The following NPAS1 variants were observed in gnomAD, a reference collection of about 807,000 sequenced individuals.
NPAS1 encodes the protein neuronal PAS domain-containing protein 1.
In NPAS1, 29 loss-of-function variants were observed where a neutral mutation model predicts 49.2. The ratio of observed to expected loss-of-function variants is 0.59; its 90% CI spans 0.44 to 0.80. The LOEUF is 0.80. Among genes scored for constraint, NPAS1 ranks in the 30% least tolerant of loss-of-function variants. NPAS1 has a pLI of 0.00. For missense variants in NPAS1, 825 were observed against 835.5 expected, an observed-to-expected ratio of 0.99 and a Z score of 0.15; for synonymous variants, 408 against 380.4, an observed-to-expected ratio of 1.07 and a Z score of -0.84.
At chr19:47,045,062 AAAC>A in intron 11 of NPAS1, 126 bp from the exon 12 acceptor site, 1 of 900,094 alleles carries the variant, frequency 1.1e-6, no homozygotes, top group Non-Finnish European at 1.7e-6. Context: ...CAAAACAAAC[AAAC>A]AAAAAAAAAA....
At chr19:47,042,640 G>A (rs942907274) in intron 10 of NPAS1, among the ~76,000 whole-genome samples, 170 bp from the exon 11 acceptor site, 3 of 152,346 alleles carry the variant, frequency 2.0e-5, no homozygotes, top group African/African-American at 7.2e-5. Flanking sequence ...TGGGCTAGAA[G>A]TCAACCCGGA....
Position 47,039,543 on chromosome 19 carries a change from C to T in NPAS1, c.941C>T (p.Thr314Ile), listed in dbSNP as rs1312099174. The change falls in exon 8 of 12, where the codon ACC becomes ATC. Residue 314 changes from threonine to isoleucine, a missense_variant. Thr to Ile is a moderately conservative substitution (Grantham distance 89). Transcript: ENST00000602212. ...MIVFRLSLGLTILACESRVSD... is the reference protein window; with the variant it reads ...MIVFRLSLGLIILACESRVSD... ...GTCTTCCGTCTCAGCCTGGGTCTCACCATCCTTGCTTGTGAGAGCAGGTAC... is the reference window on the plus strand; with the variant it reads ...GTCTTCCGTCTCAGCCTGGGTCTCATCATCCTTGCTTGTGAGAGCAGGTAC... 1 of 1,587,712 alleles carries T rather than the reference C, an allele frequency of 6.3e-7. No individual in the cohort carries two copies. Among genetic ancestry groups the T allele is most frequent in the Admixed American group, 1.7e-5 (1 of 57,154 alleles).
At chr19:47,041,402 T>C (rs894900287) in intron 10 of NPAS1, among the ~76,000 whole-genome samples, 58 of 152,114 alleles carry the variant, frequency 3.8e-4, no homozygotes, top group African/African-American at 1.3e-3. Flanking sequence ...GTGGAGGGTC[T>C]GGACTCTTGA....
At chr19:47,027,824 G>T (rs2122463467) in intron 3 of NPAS1, among the ~76,000 whole-genome samples, 1 of 152,304 alleles carries the variant, frequency 6.6e-6, no homozygotes, top group South Asian at 2.1e-4. Flanking sequence ...AAATGGATGA[G>T]TGATGTTTGG....
At chr19:47,030,581 C>T (rs193083024) in intron 3 of NPAS1, among the ~76,000 whole-genome samples, 3 of 150,838 alleles carry the variant, frequency 2.0e-5, no homozygotes, top group Non-Finnish European at 4.4e-5. Flanking sequence ...CCTCCCACCT[C>T]AGCCTCCCAA....
Position 47,039,416 on chromosome 19 carries a change from G to C in NPAS1, c.814G>C (p.Val272Leu). 2 of 1,611,792 alleles carry C rather than the reference G, an allele frequency of 1.2e-6. No individual in the cohort carries two copies. Among genetic ancestry groups the C allele is most frequent in the Non-Finnish European group, 1.7e-6 (2 of 1,179,872 alleles). Residue 272 changes from valine to leucine, a missense_variant, in exon 8 of 12, where the codon GTG (valine) becomes CTG (leucine). By Grantham distance (32) the Val-to-Leu change is conservative. Transcript: ENST00000602212. ...VKASGYKVIHVTGRLRAHALG... is the reference protein window; with the variant it reads ...VKASGYKVIHLTGRLRAHALG... ...TGCCCACCACCAGCAGGTCATCCAC[G>C]TGACTGGGCGCCTTCGGGCCCACGC... is the stretch of plus-strand genomic sequence containing the variant.
chr19:47,042,962 G>T, intron 11 of NPAS1, 58 bp downstream of exon 11: 1 of 1,351,706 alleles, frequency 7.4e-7, no homozygotes, highest in Non-Finnish European at 9.9e-7. Flanking sequence ...TTGGGTCCTG[G>T]CTGTCCATTC....
chr19:47,031,600 G>A lies in NPAS1; in HGVS notation c.359-678G>A, dbSNP rs888633868. 4.7e-5 allele frequency among the ~76,000 whole-genome samples: 7 copies of A among 148,240 alleles called. No homozygotes were observed. The South Asian group carries it at 1.1e-3, about 22-fold the overall frequency. On this transcript the variant is annotated intron_variant, in intron 3 of 11. Coordinates refer to ENST00000602212, the MANE Select transcript of NPAS1 (RefSeq NM_002517.4). Reference sequence around the variant, plus strand: ...GGCTGGAGTGCAGTGGCATGATCTCGGCTCACTGCAACCTCTGCCTCCCGG... The same window carrying A: ...GGCTGGAGTGCAGTGGCATGATCTCAGCTCACTGCAACCTCTGCCTCCCGG...
In NPAS1 at chr19:47,039,047, A is replaced by G. The variant is rs1331918344; in HGVS notation, c.700A>G (p.Thr234Ala). The G allele has an allele frequency of 1.9e-6, 3 of 1,613,968 alleles. No homozygotes were observed. Among genetic ancestry groups the G allele is most frequent in the Middle Eastern group, 1.6e-4 (1 of 6,084 alleles). ...ACTCTCTGTCCCAGAGGCCAGCCTCACCAAGGTGCCCCCCTCCTCCCTGGT... is the reference window on the plus strand; with the variant it reads ...ACTCTCTGTCCCAGAGGCCAGCCTCGCCAAGGTGCCCCCCTCCTCCCTGGT... ...ADTPEIEASL[T>A]KVPPSSLVQE... The change falls in exon 7 of 12, where the codon ACC (threonine) becomes GCC (alanine). Residue 234 changes from threonine to alanine, a missense_variant. Coordinates refer to ENST00000602212, the MANE Select transcript of NPAS1 (RefSeq NM_002517.4).
Position 47,019,856 on chromosome 19 carries a change from G to GCTGGGCGCCGAGAC in NPAS1, c.-175_-174insGAGACCTGGGCGCC. The GCTGGGCGCCGAGAC allele has an allele frequency of 3.1e-6, 1 of 318,864 alleles. No homozygotes were observed. Among genetic ancestry groups the GCTGGGCGCCGAGAC allele is most frequent in the Non-Finnish European group, 5.7e-6 (1 of 175,132 alleles). 19.8% of individuals were successfully genotyped at this position (318,864 alleles called of 1,614,324 possible). ...TGCGAGGCCGAGGTGGGCGCCGAGA[G>GCTGGGCGCCGAGAC]CTGGGCGCCACAGCCCGCGCGTCCC... On this transcript the variant is annotated 5_prime_UTR_variant, in exon 1 of 12. Transcript: ENST00000602212.
rs894484645 is a variant in NPAS1, at chr19:47,034,733, G to A, written c.523-1231G>A. Among the ~76,000 whole-genome samples, 4 of 150,980 alleles carry A rather than the reference G, an allele frequency of 2.6e-5. No homozygotes were observed. In the South Asian group the frequency reaches 6.3e-4, roughly 24 times the overall value. On this transcript the variant is annotated intron_variant, in intron 5 of 11. Coordinates refer to ENST00000602212, the MANE Select transcript of NPAS1 (RefSeq NM_002517.4). ...CTCTACTAAAAATACAAAATTAGCC[G>A]GGTGTGCTGGCAGATGCCTATAGTC...
chr19:47,035,855 T>C, intron 5 of NPAS1, 109 bp from the exon 6 acceptor site: 2 of 1,144,290 alleles, frequency 1.7e-6, no homozygotes, highest in Non-Finnish European at 2.4e-6. Flanking sequence ...CACACTGGCA[T>C]GAAGCGCACC....
At chr19:47,037,052 GAAA>G (rs150861252) in intron 6 of NPAS1, among the ~76,000 whole-genome samples, 17 of 120,620 alleles carry the variant, frequency 1.4e-4, no homozygotes, top group Admixed American at 9.5e-4. Context: ...CCAGTGTCTG[GAAA>G]AAAAAAAAAA....
In NPAS1 at chr19:47,021,131, T is replaced by A; in HGVS notation, c.84T>A (p.Phe28Leu). Residue 28 changes from phenylalanine to leucine, a missense_variant, in exon 2 of 12, where the codon TTT becomes TTA. Coordinates refer to ENST00000602212, the MANE Select transcript of NPAS1 (RefSeq NM_002517.4). This position sits in a 1 kb window ranked among gnomAD's most constrained non-coding sequence, Gnocchi z 5.7. ...GCGGCGCCAGCGTCCCCTGGGACTT[T>A]CTACCCGGGCTGATGGTCAAGGCGC... ...GGRGASVPWD[F>L]LPGLMVKAPS... is the part of the protein sequence containing the mutation. 6.2e-7 allele frequency: 1 copy of A among 1,600,086 alleles called. No individual in the cohort carries two copies. Among genetic ancestry groups the A allele is most frequent in the Admixed American group, 1.7e-5 (1 of 59,104 alleles).
At position 47,023,450 on chromosome 19, in the gene NPAS1, G is replaced by A. The variant is rs192582566; in HGVS notation, c.358+1603G>A. ...AGTGGAAGTAGGGTCAGGACAGTGT[G>A]GGGGGGCTTGGTACTGCGTGGACTC... On this transcript the variant is annotated intron_variant, in intron 3 of 11. Coordinates refer to ENST00000602212, the MANE Select transcript of NPAS1 (RefSeq NM_002517.4). Among the ~76,000 whole-genome samples, 254 of 152,132 alleles carry A rather than the reference G, an allele frequency of 1.7e-3. 1 individual carries two copies. Among genetic ancestry groups the A allele is most frequent in the African/African-American group, 5.8e-3 (242 of 41,528 alleles).
intron 10 of NPAS1, among the ~76,000 whole-genome samples, chr19:47,042,081 G>A (rs542709392): frequency 7.9e-5 from 12 of 152,030 alleles, no homozygotes; most frequent in African/African-American, 1.5e-4. Flanking sequence ...GCCGAGGTGG[G>A]TGGATCACGA....
In NPAS1 at chr19:47,029,065, G is replaced by A. The variant is rs1430124090; in HGVS notation, c.359-3213G>A. The stretch of plus-strand genomic sequence containing the variant: ...CTATTTTTTTTTTTAGTTTTTGTTT[G>A]TTTGTTTGTTTTTGTTTTTATTTTT... On this transcript the variant is annotated intron_variant, in intron 3 of 11. Coordinates refer to ENST00000602212, the MANE Select transcript of NPAS1 (RefSeq NM_002517.4). Among the ~76,000 whole-genome samples the A allele has an allele frequency of 4.0e-5, 6 of 151,384 alleles. No individual in the cohort carries two copies. In the East Asian group the frequency reaches 9.7e-4, roughly 25 times the overall value.
chr19:47,023,627 C>T (rs1327167949), intron 3 of NPAS1, among the ~76,000 whole-genome samples: 1 of 152,156 alleles, frequency 6.6e-6, no homozygotes, highest in Non-Finnish European at 1.5e-5. Flanking sequence ...CTGTCAGTCA[C>T]ACTCTCTGAA....
chr19:47,022,179 C>G (rs1036132351), intron 3 of NPAS1, among the ~76,000 whole-genome samples: 47 of 152,184 alleles, frequency 3.1e-4, no homozygotes, highest in African/African-American at 1.1e-3. Context: ...ATGAGCGGGA[C>G]AGAGGGGACT....
Sources: allele counts gnomAD v4.1 joint callset (sites outside exome capture counted in the v4.1 genomes callset), GRCh38; gene constraint gnomAD v4.1.1; non-coding constraint Gnocchi (gnomAD v3.1); transcripts MANE v1.5; gene names NCBI Gene and HGNC (gene_info 2026-07-23, HGNC 2026-07-21).